Variants in CDK14 observed in about 807,000 individuals in gnomAD.
The protein encoded by CDK14 is cyclin dependent kinase 14, also known as cyclin-dependent kinase 14.
Under a neutral mutation model 60.7 loss-of-function variants are expected in CDK14, and 34 were observed. The observed-to-expected ratio is 0.56, with a 90% confidence interval of 0.43 to 0.75. The LOEUF (loss-of-function observed/expected upper bound fraction) is 0.75. Ranked by LOEUF, CDK14 falls within the 30% of genes least tolerant of loss-of-function variation. The probability of loss-of-function intolerance (pLI) is 0.00; values close to 1 mark genes in which losing one functional copy is unlikely to be tolerated. For synonymous variants in CDK14, 197 were observed against 203.7 expected (o/e 0.97, Z 0.28); for missense variants, 482 against 564.1 (o/e 0.85, Z 1.47).
In CDK14 at chr7:90,878,793, AAG is replaced by A. The variant is rs1374659344; in HGVS notation, c.639+15530_639+15531del. Among the ~76,000 whole-genome samples, 31 of 152,342 alleles carry A rather than the reference AAG, an allele frequency of 2.0e-4. 2 individuals carry two copies. The South Asian group carries it at 6.2e-3, about 31-fold the overall frequency. On this transcript the variant is annotated intron_variant, in intron 6 of 14. Transcript: ENST00000380050. ...TTTAGATGAGAAGTAATTTTAAAAA[AAG>A]AGAGAAGTAATTGAGTGAGTTGGTA...
chr7:90,648,843 G>C (rs1262321100), intron 2 of CDK14, among the ~76,000 whole-genome samples: 1 of 152,178 alleles, frequency 6.6e-6, no homozygotes, highest in Non-Finnish European at 1.5e-5. Context: ...CAGAGGAATG[G>C]TGTTCTAGTG....
chr7:90,855,037 A>G (rs1401938165), intron 5 of CDK14, among the ~76,000 whole-genome samples: 3 of 152,222 alleles, frequency 2.0e-5, no homozygotes, highest in Non-Finnish European at 4.4e-5. Flanking sequence ...GACCAAGATT[A>G]ACTAGAGCAT....
At chr7:90,786,135 G>C (rs1458806204) in intron 4 of CDK14, among the ~76,000 whole-genome samples, 1 of 152,096 alleles carries the variant, frequency 6.6e-6, no homozygotes, top group South Asian at 2.1e-4. Context: ...ACAGTTATTG[G>C]AAAAATAAGA....
chr7:90,849,775 G>A (rs1422501814), intron 5 of CDK14, among the ~76,000 whole-genome samples: 1 of 151,986 alleles, frequency 6.6e-6, no homozygotes, highest in Admixed American at 6.6e-5. Flanking sequence ...ACTGCACAGG[G>A]TACTTAAACC....
At chr7:91,095,681 T>G (rs754021751) in intron 12 of CDK14, among the ~76,000 whole-genome samples, 1 of 152,064 alleles carries the variant, frequency 6.6e-6, no homozygotes, top group Non-Finnish European at 1.5e-5. Flanking sequence ...GTATGGAGAT[T>G]TTAAAAACAT....
chr7:90,766,542 A>G (rs1050245500), intron 4 of CDK14, among the ~76,000 whole-genome samples: 1 of 152,230 alleles, frequency 6.6e-6, no homozygotes, highest in African/African-American at 2.4e-5. Flanking sequence ...GCTAAGTTCC[A>G]GGGCCAGAAT....
intron 4 of CDK14, among the ~76,000 whole-genome samples, chr7:90,786,520 A>G (rs1275569605): frequency 1.3e-5 from 2 of 152,194 alleles, no homozygotes; most frequent in African/African-American, 2.4e-5. Context: ...CACAATGTTC[A>G]TTTTGTTTTT....
At chr7:90,985,013 G>T (rs1795334337) in intron 10 of CDK14, among the ~76,000 whole-genome samples, 1 of 152,120 alleles carries the variant, frequency 6.6e-6, no homozygotes, top group Non-Finnish European at 1.5e-5. Context: ...ACATTATTAA[G>T]TATGTTGTTA....
intron 5 of CDK14, among the ~76,000 whole-genome samples, chr7:90,852,055 TGCCCA>T (rs1326476053): frequency 6.6e-6 from 1 of 152,114 alleles, no homozygotes; most frequent in Non-Finnish European, 1.5e-5. Context: ...TGTGCCATCA[TGCCCA>T]GCTAATTTTT....
At chr7:90,944,967 G>C (rs1280941813) in intron 8 of CDK14, among the ~76,000 whole-genome samples, 2 of 152,154 alleles carry the variant, frequency 1.3e-5, no homozygotes, top group African/African-American at 4.8e-5. Flanking sequence ...ATATGTAGGA[G>C]TCATCTGCTG....
At chr7:90,949,823 G>A (rs1016523629) in intron 8 of CDK14, among the ~76,000 whole-genome samples, 8 of 152,140 alleles carry the variant, frequency 5.3e-5, no homozygotes, top group African/African-American at 1.7e-4. Context: ...TTGTAATCTT[G>A]AAACTACTTT....
intron 9 of CDK14, among the ~76,000 whole-genome samples, chr7:90,968,251 GT>G (rs1794816314): frequency 6.6e-6 from 1 of 152,054 alleles, no homozygotes; most frequent in Non-Finnish European, 1.5e-5. Flanking sequence ...TTAGATTCCT[GT>G]TGGTAGATGT....
At chr7:90,697,001 C>T (rs1438370171) in intron 2 of CDK14, among the ~76,000 whole-genome samples, 2 of 152,100 alleles carry the variant, frequency 1.3e-5, no homozygotes, top group African/African-American at 2.4e-5. Context: ...CTGGTATTGC[C>T]ATTGAGGAGG....
At chr7:90,705,123 T>C (rs2116626151) in intron 2 of CDK14, among the ~76,000 whole-genome samples, 1 of 151,890 alleles carries the variant, frequency 6.6e-6, no homozygotes. Context: ...AAATTTCTGT[T>C]TTCTTTATTA....
intron 5 of CDK14, among the ~76,000 whole-genome samples, chr7:90,791,903 CTT>C (rs112725000): frequency 7.1e-5 from 10 of 141,726 alleles, no homozygotes; most frequent in Non-Finnish European, 1.4e-4. Flanking sequence ...GAAAGGGCTT[CTT>C]TTTTTTTTTT....
Position 90,872,656 on chromosome 7 carries a change from AT to A in CDK14, c.639+9394del, listed in dbSNP as rs200001941. On this transcript the variant is annotated intron_variant, in intron 6 of 14. Transcript: ENST00000380050. ...TATCATGTTGGGTACTGAGATATCA[AT>A]TTTTTTCCTGTTTACATCATATCTA... is the stretch of plus-strand genomic sequence containing the variant. 8.6e-3 allele frequency among the ~76,000 whole-genome samples: 1,300 copies of A among 151,666 alleles called. 30 individuals carry two copies. Among genetic ancestry groups the A allele is most frequent in the African/African-American group, 0.03 (1,220 of 41,342 alleles).
At chr7:90,747,488 ATTGTGTTTAT>A (rs1486369316) in intron 3 of CDK14, among the ~76,000 whole-genome samples, 183 bp from the exon 4 acceptor site, 3 of 152,216 alleles carry the variant, frequency 2.0e-5, no homozygotes, top group African/African-American at 7.2e-5. Context: ...TTCGTTCTAC[ATTGTGTTTAT>A]TTGCATTTTT....
At chr7:90,813,890 G>A (rs977734938) in intron 5 of CDK14, among the ~76,000 whole-genome samples, 2 of 152,076 alleles carry the variant, frequency 1.3e-5, no homozygotes, top group African/African-American at 2.4e-5. Flanking sequence ...ATACTTACGG[G>A]TGGTATATTT....
intron 9 of CDK14, among the ~76,000 whole-genome samples, chr7:90,958,464 T>C (rs1001748252): frequency 6.6e-6 from 1 of 152,176 alleles, no homozygotes; most frequent in African/African-American, 2.4e-5. Context: ...AGACTAAAGA[T>C]GATCATCTGT....
Sources: allele counts gnomAD v4.1 joint callset (sites outside exome capture counted in the v4.1 genomes callset), GRCh38; gene constraint gnomAD v4.1.1; transcripts MANE v1.5; gene names NCBI Gene and HGNC (gene_info 2026-07-23, HGNC 2026-07-21).